The following TESMIN variants were observed in gnomAD, a reference collection of about 807,000 sequenced individuals.
TESMIN encodes the protein CXC domain containing 2.
TESMIN carries 34 observed loss-of-function variants against 47.4 expected under a neutral mutation model. The ratio of observed to expected loss-of-function variants is 0.72; its 90% CI spans 0.55 to 0.96. TESMIN has a LOEUF of 0.96. Among genes scored for constraint, TESMIN ranks in the 40% least tolerant of loss-of-function variants. The pLI is 0.00. For missense variants in TESMIN, 610 were observed against 637.2 expected (o/e 0.96, Z 0.46); for synonymous variants, 278 against 258.9 (o/e 1.07, Z -0.71).
At chr11:68,718,656 A>C (rs1034422556) in intron 6 of TESMIN, among the ~76,000 whole-genome samples, 6 of 152,240 alleles carry the variant, frequency 3.9e-5, no homozygotes, top group Non-Finnish European at 7.3e-5. Flanking sequence ...TAGCTAGGAA[A>C]GAGACTGGAA....
At chr11:68,748,809 C>A (rs1946553366) in intron 2 of TESMIN, among the ~76,000 whole-genome samples, 1 of 152,188 alleles carries the variant, frequency 6.6e-6, no homozygotes, top group African/African-American at 2.4e-5. Context: ...ATTTTACTAT[C>A]TTTAACATCA....
chr11:68,744,059 C>T (rs1417086175), intron 4 of TESMIN, among the ~76,000 whole-genome samples: 4 of 152,140 alleles, frequency 2.6e-5, no homozygotes, highest in Non-Finnish European at 5.9e-5. Flanking sequence ...GGCCAAAGCT[C>T]CAACCTCAGC....
At chr11:68,734,868 G>A (rs546674078) in intron 6 of TESMIN, among the ~76,000 whole-genome samples, 1 of 152,298 alleles carries the variant, frequency 6.6e-6, no homozygotes, top group Admixed American at 6.5e-5. Context: ...GCTGGCTGTC[G>A]GGGCTGAGGT....
In TESMIN at chr11:68,719,807, G is replaced by C. The variant is rs115151917; in HGVS notation, c.918-3868C>G. On this transcript the variant is annotated intron_variant, in intron 6 of 9. Coordinates refer to ENST00000255087, the MANE Select transcript of TESMIN (RefSeq NM_004923.3). ...AGACAGATTGCAAATATACAAGAGA[G>C]GTTAAGAGAAACAGTCAAGAGTTAG... Among the ~76,000 whole-genome samples the C allele has an allele frequency of 8.1e-3, 1,235 of 152,304 alleles. 14 individuals carry two copies. Among genetic ancestry groups the C allele is most frequent in the African/African-American group, 0.028 (1,159 of 41,550 alleles).
At position 68,742,376 on chromosome 11, in the gene TESMIN, G is replaced by C. The variant is rs922648328; in HGVS notation, c.770C>G (p.Thr257Ser). The change falls in exon 5 of 10, where the codon ACT (threonine) becomes AGT (serine). Residue 257 changes from threonine to serine, a missense_variant. By Grantham distance (58) the Thr-to-Ser change is moderately conservative. Coordinates refer to ENST00000255087, the MANE Select transcript of TESMIN (RefSeq NM_004923.3). Reference sequence around the variant, plus strand: ...TGGCAAAAATCTCCCTACTAAAGCAGTCATTGGTTTAGGGACATCTGTAAG... The same window carrying C: ...TGGCAAAAATCTCCCTACTAAAGCACTCATTGGTTTAGGGACATCTGTAAG... ...YLQSDVPKPM[T>S]ALVGRFLPAS... The C allele has an allele frequency of 6.3e-7, 1 of 1,598,442 alleles. No individual in the cohort carries two copies. The highest frequency in any genetic ancestry group is 8.6e-7 in the Non-Finnish European group (1 of 1,168,464).
intron 6 of TESMIN, among the ~76,000 whole-genome samples, chr11:68,716,280 T>A (rs1331066453): frequency 6.6e-6 from 1 of 152,226 alleles, no homozygotes; most frequent in Admixed American, 6.5e-5. Flanking sequence ...ATAAGTTTGG[T>A]GGGCAGAAAC....
At chr11:68,711,248 GT>G (rs1281826101) in intron 8 of TESMIN, among the ~76,000 whole-genome samples, 199 bp from the exon 9 acceptor site, 1 of 150,992 alleles carries the variant, frequency 6.6e-6, no homozygotes, top group Non-Finnish European at 1.5e-5. Flanking sequence ...TGTGTGTGGG[GT>G]GTGTGTGTGT....
At chr11:68,727,771 T>C (rs530733507) in intron 6 of TESMIN, among the ~76,000 whole-genome samples, 1 of 152,372 alleles carries the variant, frequency 6.6e-6, no homozygotes, top group East Asian at 1.9e-4. Context: ...TTTATCATAT[T>C]CCTGTAATTC....
chr11:68,749,905 C>T (rs1045043822), intron 2 of TESMIN, among the ~76,000 whole-genome samples: 1 of 152,190 alleles, frequency 6.6e-6, no homozygotes, highest in Non-Finnish European at 1.5e-5. Context: ...CTAGCTTTCC[C>T]CCTTTTTTTG....
chr11:68,747,077 A>C, intron 3 of TESMIN, 131 bp downstream of exon 3: 1 of 997,386 alleles, frequency 1.0e-6, no homozygotes, highest in Admixed American at 2.0e-5. Flanking sequence ...TTTGCTAATG[A>C]GACAACCAAA....
chr11:68,747,418 T>C, intron 2 of TESMIN, 52 bp from the exon 3 acceptor site: 1 of 1,477,338 alleles, frequency 6.8e-7, no homozygotes, highest in Non-Finnish European at 9.4e-7. Flanking sequence ...CACTGGCTCT[T>C]GCAGTTGCAT....
At chr11:68,740,063 T>C (rs1278435325) in intron 5 of TESMIN, among the ~76,000 whole-genome samples, 1 of 152,168 alleles carries the variant, frequency 6.6e-6, no homozygotes, top group Non-Finnish European at 1.5e-5. Context: ...TCTTCAGCAA[T>C]GTTTGGTCCT....
intron 2 of TESMIN, among the ~76,000 whole-genome samples, chr11:68,749,253 T>C (rs1489970769): frequency 6.6e-6 from 1 of 152,228 alleles, no homozygotes; most frequent in Non-Finnish European, 1.5e-5. Flanking sequence ...GGCCCCAGCC[T>C]CTGCCCATCC....
chr11:68,742,289 G>A (rs745383589), intron 5 of TESMIN, 29 bp downstream of exon 5: 2 of 1,385,500 alleles, frequency 1.4e-6, no homozygotes, highest in Admixed American at 2.1e-5. Context: ...ATGCAAAATT[G>A]TATTTTTTAA....
intron 6 of TESMIN, among the ~76,000 whole-genome samples, chr11:68,728,261 T>C (rs1460177684): frequency 6.6e-6 from 1 of 152,160 alleles, no homozygotes. Context: ...ACACAAATTA[T>C]AAGAAAGCAA....
chr11:68,723,282 T>C (rs76293388), intron 6 of TESMIN, among the ~76,000 whole-genome samples: 11,035 of 151,756 alleles, frequency 0.073, 446 homozygotes, highest in Middle Eastern at 0.15. Context: ...TATATGTATA[T>C]ATAATACAAA....
Position 68,750,394 on chromosome 11 carries a change from G to A in TESMIN, c.267C>T (p.Asp89=). The A allele has an allele frequency of 6.6e-7, 1 of 1,515,438 alleles. No individual in the cohort carries two copies. Among genetic ancestry groups the A allele is most frequent in the South Asian group, 1.2e-5 (1 of 80,028 alleles). The allele number at this position is 1,515,438 out of a possible 1,614,324, so 93.9% of individuals were successfully genotyped here. A position where few individuals can be genotyped will look rare whatever the true frequency, so the allele number is the denominator to read the frequency against. The change falls in exon 2 of 10, where the codon GAC becomes GAT. Residue 89 remains aspartate, a synonymous_variant. Coordinates refer to ENST00000255087, the MANE Select transcript of TESMIN (RefSeq NM_004923.3). ...GGTACTCCCCGAGGAGCTCCCCGCC[G>A]TCGCTGTCGCCCCCCGCGAGCTTCG... is the stretch of plus-strand genomic sequence containing the variant. ...VKAKLAGGDS[D]GGELLGEYPG... is the part of the protein sequence containing the mutation.
At chr11:68,751,045 ACCAGGGGAGGGGCGG>A (rs1295126960) in intron 1 of TESMIN, among the ~76,000 whole-genome samples, 4 of 19,934 alleles carry the variant, frequency 2.0e-4, no homozygotes, top group African/African-American at 8.3e-4. Flanking sequence ...GGGAGGGGCG[ACCAGGGGAGGGGCGG>A]CCAGGGGAGG....
At position 68,713,415 on chromosome 11, in the gene TESMIN, A is replaced by G. The variant is rs1169035412; in HGVS notation, c.1021-8T>C. ...ATTTCTACCAAGACATGCCTAGGGT[A>G]GAATGGGAAGCTCCATCAGGATGGA... is the stretch of plus-strand genomic sequence containing the variant. On this transcript the variant is annotated splice_region_variant and splice_polypyrimidine_tract_variant and intron_variant, in intron 7 of 9. Coordinates refer to ENST00000255087, the MANE Select transcript of TESMIN (RefSeq NM_004923.3). The G allele has an allele frequency of 1.1e-5, 18 of 1,613,398 alleles. No homozygotes were observed. The highest frequency in any genetic ancestry group is 5.0e-5 in the Admixed American group (3 of 59,920).
Sources: allele counts gnomAD v4.1 joint callset (sites outside exome capture counted in the v4.1 genomes callset), GRCh38; gene constraint gnomAD v4.1.1; transcripts MANE v1.5; gene names NCBI Gene and HGNC (gene_info 2026-07-23, HGNC 2026-07-21).